FSTL4: variants seen among roughly 807,000 people sequenced by gnomAD.
FSTL4 encodes the protein follistatin-related protein 4.
A neutral mutation model predicts 78.2 loss-of-function variants in FSTL4; 28 were observed. The ratio of observed to expected loss-of-function variants is 0.36; its 90% CI spans 0.27 to 0.49. The LOEUF is 0.49. Among genes scored for constraint, FSTL4 ranks in the 20% least tolerant of loss-of-function variants. FSTL4 has a pLI of 0.98. For synonymous variants in FSTL4, 422 were observed against 440.5 expected (o/e 0.96, Z 0.53); for missense variants, 922 against 1,084.9 (o/e 0.85, Z 2.11).
the FSTL4 span, among the ~76,000 whole-genome samples, chr5:133,641,743 T>C: frequency 6.6e-6 from 1 of 152,164 alleles, no homozygotes; most frequent in South Asian, 2.1e-4. Flanking sequence ...TGAAATACAA[T>C]GCAGTCTTTA....
At chr5:133,780,672 A>G in the FSTL4 span, among the ~76,000 whole-genome samples, 1 of 152,186 alleles carries the variant, frequency 6.6e-6, no homozygotes, top group African/African-American at 2.4e-5. Flanking sequence ...TTTCACAAGC[A>G]CCTGCATAGC....
chr5:133,324,156 G>A (rs1754146844), intron 4 of FSTL4, among the ~76,000 whole-genome samples: 1 of 152,336 alleles, frequency 6.6e-6, no homozygotes, highest in Non-Finnish European at 1.5e-5. Context: ...AGCCACTTGT[G>A]CCCCTGCCAG....
chr5:133,216,540 G>A (rs759432743), intron 13 of FSTL4, among the ~76,000 whole-genome samples: 118 of 152,242 alleles, frequency 7.8e-4, no homozygotes, highest in Non-Finnish European at 1.4e-3. Context: ...TAGTAGAGAC[G>A]GGGTTTCACC....
At chr5:133,690,984 C>A in the FSTL4 span, among the ~76,000 whole-genome samples, 1 of 152,070 alleles carries the variant, frequency 6.6e-6, no homozygotes, top group East Asian at 1.9e-4. Flanking sequence ...AGCTAACTAG[C>A]GGGGAGAACT....
intron 3 of FSTL4, among the ~76,000 whole-genome samples, chr5:133,462,596 T>C (rs1757614909): frequency 6.6e-6 from 1 of 152,162 alleles, no homozygotes; most frequent in Admixed American, 6.5e-5. Context: ...CAACGATTGG[T>C]TCGGGAAGGA....
At position 133,316,581 on chromosome 5, in the gene FSTL4, G is replaced by A; in HGVS notation, c.481C>T (p.Pro161Ser). The change falls in exon 5 of 16, where the codon CCA becomes TCA. Residue 161 changes from proline (P) to serine (S), a missense_variant. Physicochemically the swap from Pro to Ser is moderately conservative, Grantham distance 74. Coordinates refer to ENST00000265342, the MANE Select transcript of FSTL4 (RefSeq NM_015082.2). ...VLLALQTRLQ[P>S]LQEGDSRQDP... ...TGTCTGCTGTCTCCTTCTTGGAGTGGCTGCAGACGGGTCTGGAGTGCCAGA... is the reference window on the plus strand; with the variant it reads ...TGTCTGCTGTCTCCTTCTTGGAGTGACTGCAGACGGGTCTGGAGTGCCAGA... 6.2e-7 allele frequency: 1 copy of A among 1,614,030 alleles called. No individual in the cohort carries two copies. The highest frequency in any genetic ancestry group is 1.1e-5 in the South Asian group (1 of 91,070).
intron 3 of FSTL4, among the ~76,000 whole-genome samples, chr5:133,455,222 C>T (rs192639599): frequency 3.9e-5 from 6 of 152,296 alleles, no homozygotes; most frequent in Non-Finnish European, 7.4e-5. Flanking sequence ...CTCTTTATTC[C>T]TTCATCTACC....
intron 6 of FSTL4, among the ~76,000 whole-genome samples, chr5:133,268,653 A>AT (rs1554101371): frequency 2.0e-5 from 3 of 151,718 alleles, no homozygotes; most frequent in Admixed American, 6.6e-5. Context: ...GAGCTGTTTC[A>AT]TTTTTTTTCC....
the FSTL4 span, among the ~76,000 whole-genome samples, chr5:133,808,696 A>G: frequency 6.6e-6 from 1 of 152,046 alleles, no homozygotes; most frequent in Non-Finnish European, 1.5e-5. Context: ...ATCTCCCCCA[A>G]AGTCAGTGAA....
intron 6 of FSTL4, among the ~76,000 whole-genome samples, chr5:133,301,562 A>G (rs1393813388): frequency 2.6e-5 from 4 of 152,100 alleles, no homozygotes; most frequent in Non-Finnish European, 5.9e-5. Flanking sequence ...TACACTGCCC[A>G]TCGCACCACC....
intron 6 of FSTL4, among the ~76,000 whole-genome samples, chr5:133,309,729 C>T (rs980402794): frequency 6.6e-6 from 1 of 152,216 alleles, no homozygotes; most frequent in Non-Finnish European, 1.5e-5. Flanking sequence ...CTGGGTACAA[C>T]AGCCCCAAAC....
At chr5:133,358,667 T>G (rs1317581496) in intron 4 of FSTL4, among the ~76,000 whole-genome samples, 1 of 147,692 alleles carries the variant, frequency 6.8e-6, no homozygotes, top group Non-Finnish European at 1.5e-5. Context: ...TGGCGCGATC[T>G]CAGTTCACTG....
chr5:133,476,748 AT>A (rs1757933058), intron 3 of FSTL4, among the ~76,000 whole-genome samples: 1 of 152,064 alleles, frequency 6.6e-6, no homozygotes, highest in African/African-American at 2.4e-5. Context: ...CCCAACTACA[AT>A]TCCCCTATTC....
At chr5:133,707,892 C>T in the FSTL4 span, among the ~76,000 whole-genome samples, 5 of 151,942 alleles carry the variant, frequency 3.3e-5, no homozygotes, top group African/African-American at 1.2e-4. Flanking sequence ...TGCTTGAGGC[C>T]CGGGCACTGG....
upstream of FSTL4, chr5:133,612,686 G>A (rs1418033547): frequency 6.6e-6 from 1 of 151,334 alleles, no homozygotes; most frequent in Non-Finnish European, 1.5e-5. This position sits in a 1 kb window ranked among gnomAD's most constrained non-coding sequence, Gnocchi z 6.2. Context: ...GCGCACGCGG[G>A]GCGCGATGAC....
chr5:133,740,970 T>G, the FSTL4 span, among the ~76,000 whole-genome samples: 3 of 151,872 alleles, frequency 2.0e-5, no homozygotes, highest in African/African-American at 7.3e-5. Context: ...GATGGATGGA[T>G]GGATGGATGG....
chr5:133,641,774 T>C, the FSTL4 span, among the ~76,000 whole-genome samples: 1 of 152,182 alleles, frequency 6.6e-6, no homozygotes, highest in African/African-American at 2.4e-5. Flanking sequence ...CATAGCTACT[T>C]GTACTTGTAG....
chr5:133,296,908 G>A (rs1753408946), intron 6 of FSTL4, among the ~76,000 whole-genome samples: 1 of 152,206 alleles, frequency 6.6e-6, no homozygotes, highest in South Asian at 2.1e-4. Flanking sequence ...CCAGGGCTAA[G>A]CACTTTTCAC....
At chr5:133,623,254 C>A in the FSTL4 span, among the ~76,000 whole-genome samples, 316 of 152,138 alleles carry the variant, frequency 2.1e-3, 5 homozygotes, top group Non-Finnish European at 5.2e-4. Context: ...CACACTTCAA[C>A]GCTTACTACA....
Sources: allele counts gnomAD v4.1 joint callset (sites outside exome capture counted in the v4.1 genomes callset), GRCh38; gene constraint gnomAD v4.1.1; non-coding constraint Gnocchi (gnomAD v3.1); transcripts MANE v1.5; gene names NCBI Gene and HGNC (gene_info 2026-07-23, HGNC 2026-07-21).